The following WDR70 variants were observed in gnomAD, a reference collection of about 807,000 sequenced individuals.
The protein encoded by WDR70 is WD repeat domain 70, also known as WD repeat-containing protein 70.
WDR70 carries 53 observed loss-of-function variants against 88.6 expected under a neutral mutation model. The ratio of observed to expected loss-of-function variants is 0.60; its 90% confidence interval spans 0.48 to 0.75. The LOEUF is 0.75. Ranked by LOEUF, WDR70 falls within the 30% of genes least tolerant of loss-of-function variation. WDR70 has a pLI of 0.00. For missense variants in WDR70, 610 were observed against 823.2 expected (o/e 0.74, Z 3.17); for synonymous variants, 280 against 270.0 (o/e 1.04, Z -0.36).
chr5:37,605,224 GACCGAAATT>G lies in WDR70; in HGVS notation c.1079_1087del (p.Asp360_Leu363delinsVal). 1 of 1,593,038 alleles carries G rather than the reference GACCGAAATT, an allele frequency of 6.3e-7. No homozygotes were observed. The highest frequency in any genetic ancestry group is 8.5e-7 in the Non-Finnish European group (1 of 1,170,086). ...CCAGAATGGAAGCATACAGATCTGG[GACCGAAATT>G]TGACTGTAAGTTAAATCTTTTCTTA... On this transcript the variant is annotated inframe_deletion, in exon 10 of 18. Transcript: ENST00000265107.
chr5:37,597,590 G>A (rs948646273), intron 9 of WDR70, among the ~76,000 whole-genome samples: 30 of 152,238 alleles, frequency 2.0e-4, no homozygotes, highest in African/African-American at 7.2e-4. Context: ...CTGGATACAA[G>A]TTAACACAAG....
At chr5:37,389,678 C>G (rs544851291) in intron 3 of WDR70, among the ~76,000 whole-genome samples, 1 of 152,134 alleles carries the variant, frequency 6.6e-6, no homozygotes, top group Non-Finnish European at 1.5e-5. Flanking sequence ...TCCCAAAGTG[C>G]TGGGATTACA....
At chr5:37,517,863 ATAT>A (rs1320097136) in intron 9 of WDR70, among the ~76,000 whole-genome samples, 1 of 146,478 alleles carries the variant, frequency 6.8e-6, no homozygotes, top group African/African-American at 2.5e-5. Flanking sequence ...ATTTTTTATT[ATAT>A]TATTATATTA....
rs62360909 is a variant in WDR70, at chr5:37,681,604, T to A, written c.1093-16051T>A. Among the ~76,000 whole-genome samples the A allele has an allele frequency of 4.4e-3, 667 of 152,338 alleles. 5 individuals carry two copies. The highest frequency in any genetic ancestry group is 6.3e-3 in the Non-Finnish European group (432 of 68,036). On this transcript the variant is annotated intron_variant, in intron 10 of 17. Coordinates refer to ENST00000265107, the MANE Select transcript of WDR70 (RefSeq NM_018034.4). Reference sequence around the variant, plus strand: ...TCTTATTATTTTGAGGTATGTTTCTTTAATACCTAGTTTATTAAGAGTTTT... The same window carrying A: ...TCTTATTATTTTGAGGTATGTTTCTATAATACCTAGTTTATTAAGAGTTTT...
At chr5:37,512,925 A>C (rs1740764161) in intron 8 of WDR70, among the ~76,000 whole-genome samples, 1 of 152,076 alleles carries the variant, frequency 6.6e-6, no homozygotes, top group African/African-American at 2.4e-5. Flanking sequence ...TTCCCAAAAT[A>C]AGGTCATGTT....
At chr5:37,415,626 C>G (rs1186116333) in intron 5 of WDR70, among the ~76,000 whole-genome samples, 1 of 148,596 alleles carries the variant, frequency 6.7e-6, no homozygotes, top group African/African-American at 2.5e-5. Context: ...CCCCCCCCAC[C>G]TCCCTCCCGG....
chr5:37,713,070 CTCTAT>C (rs1344972759), intron 13 of WDR70, among the ~76,000 whole-genome samples: 1 of 152,104 alleles, frequency 6.6e-6, no homozygotes, highest in African/African-American at 2.4e-5. Context: ...TTTTTAGATT[CTCTAT>C]TCTATGTTCT....
chr5:37,543,481 T>TTG (rs1741892145), intron 9 of WDR70, among the ~76,000 whole-genome samples: 1 of 151,966 alleles, frequency 6.6e-6, no homozygotes. Context: ...GTGTGTGGTC[T>TTG]TGTGTGTGTG....
rs118061196 is a variant in WDR70, at chr5:37,642,851, A to G, written c.1092+37613A>G. On this transcript the variant is annotated intron_variant, in intron 10 of 17. Coordinates refer to ENST00000265107, the MANE Select transcript of WDR70 (RefSeq NM_018034.4). ...AAATTAGATTATTAGTTTTTTTCCA[A>G]TACAATTGTTTGCGCTCCTTACCTA... Among the ~76,000 whole-genome samples the G allele has an allele frequency of 2.5e-3, 381 of 152,156 alleles. 11 individuals are homozygous for G. In the East Asian group the frequency reaches 0.067, roughly 27 times the overall value.
At chr5:37,449,438 A>G (rs1350769594) in intron 7 of WDR70, among the ~76,000 whole-genome samples, 7 of 152,028 alleles carry the variant, frequency 4.6e-5, no homozygotes, top group African/African-American at 1.4e-4. Flanking sequence ...CTAAAAATAC[A>G]AAAATTAGCC....
At chr5:37,699,552 G>A (rs890874868) in intron 11 of WDR70, among the ~76,000 whole-genome samples, 6 of 152,034 alleles carry the variant, frequency 3.9e-5, no homozygotes, top group Non-Finnish European at 8.8e-5. Flanking sequence ...GTGTTACAAG[G>A]TGCTTCTGCT....
chr5:37,421,820 A>T (rs1196665950), intron 5 of WDR70, among the ~76,000 whole-genome samples: 1 of 151,702 alleles, frequency 6.6e-6, no homozygotes, highest in African/African-American at 2.4e-5. Context: ...TGCCACTGAC[A>T]TCCTAGATGA....
intron 7 of WDR70, among the ~76,000 whole-genome samples, chr5:37,461,643 C>G (rs1264776950): frequency 6.6e-6 from 1 of 151,886 alleles, no homozygotes; most frequent in African/African-American, 2.4e-5. Context: ...ACCACCACAC[C>G]CGGCTAATTT....
At chr5:37,602,052 C>G (rs1177370329) in intron 9 of WDR70, among the ~76,000 whole-genome samples, 1 of 144,184 alleles carries the variant, frequency 6.9e-6, no homozygotes, top group Non-Finnish European at 1.5e-5. Context: ...GGGAACGTCA[C>G]ACACTGGGGC....
At chr5:37,438,507 T>G (rs1750551279) in intron 6 of WDR70, among the ~76,000 whole-genome samples, 1 of 152,124 alleles carries the variant, frequency 6.6e-6, no homozygotes, top group African/African-American at 2.4e-5. Context: ...ATATAGAATA[T>G]TTGAGATGTA....
intron 17 of WDR70, among the ~76,000 whole-genome samples, chr5:37,750,187 G>C (rs1424604137): frequency 6.6e-6 from 1 of 152,038 alleles, no homozygotes; most frequent in Non-Finnish European, 1.5e-5. Context: ...TGTGCCCTTT[G>C]ATGTTAGCCA....
In WDR70 at chr5:37,379,526, T is replaced by G. The variant is rs1230183883; in HGVS notation, c.63T>G (p.Leu21=). 6 of 1,613,890 alleles carry G rather than the reference T, an allele frequency of 3.7e-6. No individual in the cohort carries two copies. Among genetic ancestry groups the G allele is most frequent in the Non-Finnish European group, 5.1e-6 (6 of 1,179,872 alleles). The change falls in exon 2 of 18, where the codon CTT becomes CTG. Residue 21 remains leucine, a synonymous_variant. Coordinates refer to ENST00000265107, the MANE Select transcript of WDR70 (RefSeq NM_018034.4). ...ACGCGTCGGGACCGGACCCGCAGCT[T>G]GCGGTCACCATGGGCTTCACGGGGT... ...GSDASGPDPQ[L]AVTMGFTGFG...
At chr5:37,412,626 G>T (rs1231800477) in intron 5 of WDR70, among the ~76,000 whole-genome samples, 2 of 152,144 alleles carry the variant, frequency 1.3e-5, no homozygotes, top group Non-Finnish European at 2.9e-5. Flanking sequence ...CTAGTTGTGA[G>T]CACCTGTTCT....
intron 13 of WDR70, among the ~76,000 whole-genome samples, chr5:37,705,320 G>A (rs1206766028): frequency 6.6e-6 from 1 of 152,054 alleles, no homozygotes; most frequent in Non-Finnish European, 1.5e-5. Context: ...TTTAAGAGAC[G>A]AGCAAATGAA....
Sources: gnomAD v4.1 joint callset for allele counts (sites outside exome capture counted in the v4.1 genomes callset) on GRCh38, gnomAD v4.1.1 for gene constraint, MANE v1.5 for transcripts, NCBI Gene and HGNC (gene_info 2026-07-23, HGNC 2026-07-21) for gene names.